Variants in LPP observed in about 807,000 individuals in gnomAD.
The protein encoded by LPP is lipoma-preferred partner.
Under a neutral mutation model 60.4 loss-of-function variants are expected in LPP, and 38 were observed. That is an observed-to-expected ratio of 0.63 (90% CI 0.49 to 0.83). LPP has a LOEUF of 0.83. Among genes scored for constraint, LPP ranks in the 40% least tolerant of loss-of-function variants. LPP has a pLI of 0.00. For synonymous variants in LPP, 328 were observed against 290.8 expected (o/e 1.13, Z -1.30); for missense variants, 902 against 783.6 (o/e 1.15, Z -1.80).
chr3:188,167,042 G>A (rs182793037), intron 1 of LPP, among the ~76,000 whole-genome samples: 8 of 152,276 alleles, frequency 5.3e-5, no homozygotes, highest in African/African-American at 1.4e-4. Flanking sequence ...TAGAAGGTTT[G>A]GATTTAAATT....
At chr3:188,200,686 C>T (rs1399269416) in intron 1 of LPP, among the ~76,000 whole-genome samples, 1 of 152,162 alleles carries the variant, frequency 6.6e-6, no homozygotes, top group Non-Finnish European at 1.5e-5. Context: ...GGAAATCTTA[C>T]TGGCGGAACC....
chr3:188,206,697 A>G (rs1733324527), intron 1 of LPP, among the ~76,000 whole-genome samples: 1 of 152,226 alleles, frequency 6.6e-6, no homozygotes, highest in African/African-American at 2.4e-5. Flanking sequence ...GAGAAAGAAG[A>G]CCAGAACTGG....
chr3:188,291,412 G>A (rs1250954254), intron 2 of LPP, among the ~76,000 whole-genome samples: 1 of 152,066 alleles, frequency 6.6e-6, no homozygotes, highest in African/African-American at 2.4e-5. Context: ...GGCCCAGGCG[G>A]GTGGATCACG....
intron 5 of LPP, among the ~76,000 whole-genome samples, chr3:188,504,083 T>G (rs1812758288): frequency 6.6e-6 from 1 of 152,240 alleles, no homozygotes; most frequent in Non-Finnish European, 1.5e-5. Flanking sequence ...TACTTTGGTA[T>G]AGTTGATTGT....
intron 2 of LPP, among the ~76,000 whole-genome samples, chr3:188,268,616 C>A (rs149717376): frequency 1.3e-5 from 2 of 152,340 alleles, no homozygotes; most frequent in African/African-American, 2.4e-5. Flanking sequence ...TTTACACATC[C>A]TGTTAGGACG....
intron 9 of LPP, among the ~76,000 whole-genome samples, chr3:188,767,776 G>A (rs1380791611): frequency 2.0e-5 from 3 of 152,086 alleles, no homozygotes; most frequent in Non-Finnish European, 4.4e-5. Context: ...ACGGGATGGA[G>A]CCGACATAGT....
chr3:188,594,738 T>C (rs1291951508), intron 6 of LPP, among the ~76,000 whole-genome samples: 1 of 152,236 alleles, frequency 6.6e-6, no homozygotes, highest in Non-Finnish European at 1.5e-5. Flanking sequence ...TTTGGAGATA[T>C]GATTATTTTT....
intron 1 of LPP, among the ~76,000 whole-genome samples, chr3:188,202,928 A>G (rs756249290): frequency 1.3e-5 from 2 of 151,894 alleles, no homozygotes; most frequent in Non-Finnish European, 2.9e-5. Context: ...TGATTTGTCC[A>G]GTGTCACGTG....
chr3:188,598,322 G>T (rs1243280767), intron 6 of LPP, among the ~76,000 whole-genome samples: 4 of 152,236 alleles, frequency 2.6e-5, no homozygotes, highest in East Asian at 3.9e-4. Context: ...TTAGAATAGA[G>T]TACGTACTAG....
At chr3:188,847,924 G>A (rs555538199) in intron 9 of LPP, among the ~76,000 whole-genome samples, 1 of 152,286 alleles carries the variant, frequency 6.6e-6, no homozygotes, top group African/African-American at 2.4e-5. Flanking sequence ...AACACATGAA[G>A]CAGAGCTGGA....
intron 7 of LPP, among the ~76,000 whole-genome samples, chr3:188,651,995 G>A (rs1004039460): frequency 6.6e-6 from 1 of 151,884 alleles, no homozygotes; most frequent in African/African-American, 2.4e-5. Flanking sequence ...ACTTTTTCAG[G>A]GTTTCACTGC....
chr3:188,595,975 C>G (rs1437981078), intron 6 of LPP, among the ~76,000 whole-genome samples: 1 of 152,112 alleles, frequency 6.6e-6, no homozygotes, highest in Non-Finnish European at 1.5e-5. Context: ...CTTTTCAGGA[C>G]AAACCGACTA....
At chr3:188,817,332 T>C (rs767159113) in intron 9 of LPP, among the ~76,000 whole-genome samples, 1 of 152,192 alleles carries the variant, frequency 6.6e-6, no homozygotes, top group Admixed American at 6.5e-5. Context: ...CTCCAGTGTG[T>C]AGTAGTGGGC....
chr3:188,867,371 G>T (rs904512712), intron 10 of LPP, among the ~76,000 whole-genome samples: 3 of 150,260 alleles, frequency 2.0e-5, no homozygotes, highest in African/African-American at 7.3e-5. Context: ...TTTAGACAAA[G>T]TCTCACTCTG....
intron 9 of LPP, among the ~76,000 whole-genome samples, chr3:188,833,475 G>T (rs1757596686): frequency 1.3e-5 from 2 of 152,150 alleles, no homozygotes; most frequent in Non-Finnish European, 2.9e-5. Flanking sequence ...TAGAGGCGGT[G>T]TATACAGCTT....
intron 9 of LPP, among the ~76,000 whole-genome samples, chr3:188,810,390 T>C (rs924733126): frequency 1.3e-5 from 2 of 152,156 alleles, no homozygotes; most frequent in South Asian, 2.1e-4. Context: ...CAGTTACCCA[T>C]GGTCAACCAC....
chr3:188,328,574 G>A (rs920306930), intron 2 of LPP, among the ~76,000 whole-genome samples: 8 of 151,900 alleles, frequency 5.3e-5, no homozygotes, highest in Admixed American at 6.6e-5. Flanking sequence ...GAAAATCTCC[G>A]GCAAAACCCA....
intron 1 of LPP, among the ~76,000 whole-genome samples, chr3:188,174,911 A>G (rs1722631534): frequency 6.6e-6 from 1 of 151,776 alleles, no homozygotes. Flanking sequence ...GGCACTGATC[A>G]CTTCTTACCT....
intron 4 of LPP, among the ~76,000 whole-genome samples, chr3:188,482,526 C>T (rs185134674): frequency 5.7e-4 from 86 of 152,208 alleles, no homozygotes; most frequent in Admixed American, 5.2e-3. Flanking sequence ...GCTGCAGGTT[C>T]GAATCCCTTA....
Sources: allele counts gnomAD v4.1 joint callset (sites outside exome capture counted in the v4.1 genomes callset), GRCh38; gene constraint gnomAD v4.1.1; transcripts MANE v1.5; gene names NCBI Gene and HGNC (gene_info 2026-07-23, HGNC 2026-07-21).